Variants in TES observed in about 807,000 individuals in gnomAD.
TES encodes testin.
In TES, 41 loss-of-function variants were observed where a neutral mutation model predicts 48.2. That is an observed-to-expected ratio of 0.85 (90% CI 0.66 to 1.10). The LOEUF (loss-of-function observed/expected upper bound fraction) is 1.10. Ranked by LOEUF, TES falls within the 50% of genes least tolerant of loss-of-function variation. The pLI is 0.00. For synonymous variants in TES, 162 were observed against 174.9 expected, an observed-to-expected ratio of 0.93 and a Z score of 0.58; for missense variants, 463 against 515.1, an observed-to-expected ratio of 0.90 and a Z score of 0.98.
intron 1 of TES, chr7:116,211,064 A>T (rs916213867): frequency 3.5e-5 from 8 of 230,558 alleles, no homozygotes; most frequent in African/African-American, 1.6e-4. Flanking sequence ...GTGCCTCCTC[A>T]AAAGGAAAGG....
At chr7:116,231,796 T>G (rs1166049499) in intron 1 of TES, among the ~76,000 whole-genome samples, 1 of 152,158 alleles carries the variant, frequency 6.6e-6, no homozygotes, top group African/African-American at 2.4e-5. Flanking sequence ...GTCTCTGTGT[T>G]TCTGCTAATG....
intron 6 of TES, among the ~76,000 whole-genome samples, chr7:116,256,884 T>C (rs1362061053): frequency 6.6e-6 from 1 of 152,228 alleles, no homozygotes; most frequent in Non-Finnish European, 1.5e-5. Flanking sequence ...AATAATCTCA[T>C]GTGTCATAGG....
intron 1 of TES, among the ~76,000 whole-genome samples, chr7:116,224,417 A>G (rs1335302756): frequency 5.9e-5 from 9 of 152,246 alleles, no homozygotes; most frequent in African/African-American, 2.4e-5. Context: ...TGAGTACTGC[A>G]TAATGTATGT....
At position 116,251,830 on chromosome 7, in the gene TES, A is replaced by G; in HGVS notation, c.773A>G (p.Asp258Gly). ...ATCTATGCCGAAAGGGCTGGCTATG[A>G]TAAACTGTGGCACCCAGCTTGTTTT... The part of the protein sequence containing the change: ...PAIYAERAGY[D>G]KLWHPACFVC... Residue 258 changes from aspartate to glycine, a missense_variant, in exon 5 of 7, where the codon GAT becomes GGT. Physicochemically the swap from Asp to Gly is moderately conservative, Grantham distance 94. Transcript: ENST00000358204. The G allele has an allele frequency of 6.2e-7, 1 of 1,614,204 alleles. No individual in the cohort carries two copies. Among genetic ancestry groups the G allele is most frequent in the African/African-American group, 1.3e-5 (1 of 75,058 alleles).
chr7:116,223,387 A>G (rs3807967), intron 1 of TES, among the ~76,000 whole-genome samples: 30,539 of 152,064 alleles, frequency 0.2, 3,384 homozygotes, highest in East Asian at 0.42. Context: ...GTGGATTTAT[A>G]TAATGGAATT....
chr7:116,234,566 C>T lies in TES; in HGVS notation c.60C>T (p.Ala20=). 5.6e-6 allele frequency: 9 copies of T among 1,613,760 alleles called. No individual in the cohort carries two copies. The highest frequency in any genetic ancestry group is 7.6e-6 in the Non-Finnish European group (9 of 1,179,810). ...TAGGTCACGAGCAAGGATTTGGAGC[C>T]CCTTGTTTAAAATGCAAAGAAAAAT... ...MGLGHEQGFG[A]PCLKCKEKCE... Residue 20 remains alanine, a synonymous_variant, in exon 2 of 7, where the codon GCC becomes GCT. Coordinates refer to ENST00000358204, the MANE Select transcript of TES (RefSeq NM_015641.4).
intron 1 of TES, chr7:116,222,862 C>A: frequency 2.1e-6 from 1 of 485,514 alleles, no homozygotes; most frequent in Non-Finnish European, 2.7e-6. Context: ...TGTCTTTCAG[C>A]GGAGCCAGAG....
Position 116,257,916 on chromosome 7 carries a change from G to T in TES, c.*434G>T, listed in dbSNP as rs1386016905. The T allele has an allele frequency of 1.3e-5, 2 of 156,148 alleles. No individual in the cohort carries two copies. Among genetic ancestry groups the T allele is most frequent in the Non-Finnish European group, 2.8e-5 (2 of 70,416 alleles). The allele number at this position is 156,148 out of a possible 1,614,324, so 9.7% of individuals were successfully genotyped here. The stretch of plus-strand genomic sequence containing the variant: ...CTAATACCAAGGCGCTACGTTTATT[G>T]CCTCGTCTTATTCACTGACCTTTGT... On this transcript the variant is annotated 3_prime_UTR_variant, in exon 7 of 7. Transcript: ENST00000358204.
chr7:116,248,896 A>T, intron 2 of TES, 124 bp from the exon 3 acceptor site: 2 of 951,922 alleles, frequency 2.1e-6, no homozygotes, highest in South Asian at 2.4e-5. Flanking sequence ...CTCCTAAAAA[A>T]GGACTTGCCT....
intron 2 of TES, 145 bp from the exon 3 acceptor site, chr7:116,248,875 A>T: frequency 1.4e-6 from 1 of 732,622 alleles, no homozygotes; most frequent in Non-Finnish European, 2.1e-6. Context: ...ATATATGGAT[A>T]CTTATTCTCC....
intron 2 of TES, among the ~76,000 whole-genome samples, chr7:116,247,372 G>A (rs1477298355): frequency 1.3e-5 from 2 of 152,006 alleles, no homozygotes; most frequent in Non-Finnish European, 2.9e-5. Context: ...GCTTAAATAA[G>A]GAAACATATA....
At chr7:116,233,924 A>G (rs1226020389) in intron 1 of TES, among the ~76,000 whole-genome samples, 1 of 152,176 alleles carries the variant, frequency 6.6e-6, no homozygotes. Context: ...ATGAGGGTGG[A>G]GCCCTCATTG....
chr7:116,249,054 G>A lies in TES; in HGVS notation c.148G>A (p.Glu50Lys). ...ICRNCKCGQE[E>K]HDVLLSNEED... ...TCGTAACTGCAAGTGTGGCCAAGAA[G>A]AGCATGATGTCCTCTTGAGCAATGA... The change falls in exon 3 of 7, where the codon GAG becomes AAG. Residue 50 changes from glutamate (E) to lysine (K), a missense_variant. Coordinates refer to ENST00000358204, the MANE Select transcript of TES (RefSeq NM_015641.4). 1 of 1,611,524 alleles carries A rather than the reference G, an allele frequency of 6.2e-7. No individual in the cohort carries two copies. The highest frequency in any genetic ancestry group is 1.1e-5 in the South Asian group (1 of 90,954).
chr7:116,214,714 T>C (rs746514102), intron 1 of TES, among the ~76,000 whole-genome samples: 4 of 152,158 alleles, frequency 2.6e-5, no homozygotes, highest in Non-Finnish European at 5.9e-5. Flanking sequence ...TCCTATGAAG[T>C]AGAAATAGGA....
chr7:116,219,368 C>T (rs943809212), intron 1 of TES, among the ~76,000 whole-genome samples: 1 of 152,100 alleles, frequency 6.6e-6, no homozygotes, highest in African/African-American at 2.4e-5. Context: ...AGACCCTAGC[C>T]CACAGCTGAA....
At chr7:116,252,499 G>A (rs201149646) in intron 6 of TES, 23 bp downstream of exon 6, 4 of 1,614,132 alleles carry the variant, frequency 2.5e-6, no homozygotes, top group Admixed American at 1.7e-5. Context: ...CTAAGGATAT[G>A]GTTGCCTCAG....
intron 3 of TES, chr7:116,249,594 A>G: frequency 4.3e-6 from 1 of 234,582 alleles, no homozygotes; most frequent in Non-Finnish European, 8.3e-6. Flanking sequence ...TTAAGATGGT[A>G]AAGAAGAGAA....
At chr7:116,235,652 A>C (rs1471622602) in intron 2 of TES, among the ~76,000 whole-genome samples, 3 of 152,218 alleles carry the variant, frequency 2.0e-5, no homozygotes, top group Non-Finnish European at 2.9e-5. Context: ...GGTAATTCAC[A>C]AGTCTGCTCA....
At chr7:116,251,557 C>T in intron 4 of TES, 1 of 537,008 alleles carries the variant, frequency 1.9e-6, no homozygotes, top group South Asian at 2.0e-5. Flanking sequence ...GTGGCAGGCG[C>T]CTGTAGTCCC....
Sources: allele counts gnomAD v4.1 joint callset (sites outside exome capture counted in the v4.1 genomes callset), GRCh38; gene constraint gnomAD v4.1.1; transcripts MANE v1.5; gene names NCBI Gene and HGNC (gene_info 2026-07-23, HGNC 2026-07-21).